MYO7B: variants seen among roughly 807,000 people sequenced by gnomAD.
MYO7B encodes the protein myosin VIIB.
A neutral mutation model predicts 259.7 loss-of-function variants in MYO7B; 212 were observed. The observed-to-expected ratio is 0.82, with a 90% CI of 0.73 to 0.91. The LOEUF (loss-of-function observed/expected upper bound fraction) is 0.91. MYO7B is among the 40% of genes least tolerant of loss of function. The pLI, the probability that MYO7B is intolerant of heterozygous loss-of-function variation, is 0.00. For missense variants in MYO7B, 2,732 were observed against 2,813.5 expected (o/e 0.97, Z 0.66); for synonymous variants, 1,197 against 1,166.4 (o/e 1.03, Z -0.54).
intron 19 of MYO7B, among the ~76,000 whole-genome samples, chr2:127,600,507 C>G (rs749721403): frequency 2.0e-5 from 3 of 152,140 alleles, no homozygotes; most frequent in Non-Finnish European, 4.4e-5. Flanking sequence ...GTCAGGAGTC[C>G]GAGACCAGCC....
rs2104874066 is a variant in MYO7B, at chr2:127,566,605, CA to C, written c.286-37del. On this transcript the variant is annotated intron_variant, in intron 4 of 47. Coordinates refer to ENST00000409816, the MANE Select transcript of MYO7B (RefSeq NM_001393586.1). ...CAAGGCCAGGGCCGAGTACCTCTGCCAGGGGCAGAGGGCACTGACCACCTGC... is the reference window on the plus strand; with the variant it reads ...CAAGGCCAGGGCCGAGTACCTCTGCCGGGGCAGAGGGCACTGACCACCTGC... The C allele has an allele frequency of 2.0e-6, 3 of 1,514,342 alleles. No individual in the cohort carries two copies. In the East Asian group the frequency reaches 7.3e-5, roughly 37 times the overall value. The allele number at this position is 1,514,342 out of a possible 1,614,324, so 93.8% of individuals were successfully genotyped here.
At chr2:127,544,154 A>G (rs1236307887) in intron 1 of MYO7B, among the ~76,000 whole-genome samples, 1 of 151,314 alleles carries the variant, frequency 6.6e-6, no homozygotes, top group African/African-American at 2.4e-5. Context: ...ATAGCTCACT[A>G]CAGCCTCGAA....
At chr2:127,594,421 CT>C (rs112997044) in intron 18 of MYO7B, among the ~76,000 whole-genome samples, 2 of 152,220 alleles carry the variant, frequency 1.3e-5, no homozygotes, top group African/African-American at 4.8e-5. Flanking sequence ...CCCACCTGCC[CT>C]TATGTGTCCT....
intron 18 of MYO7B, among the ~76,000 whole-genome samples, chr2:127,595,342 A>G (rs1451163079): frequency 1.3e-5 from 2 of 151,862 alleles, no homozygotes; most frequent in African/African-American, 2.4e-5. Flanking sequence ...TATTGTGTCT[A>G]TTGGATTCTT....
At chr2:127,635,012 G>C in intron 42 of MYO7B, 108 bp from the exon 43 acceptor site, 1 of 845,568 alleles carries the variant, frequency 1.2e-6, no homozygotes, top group East Asian at 2.6e-5. Flanking sequence ...AGAAGCGTGG[G>C]GGCTTTCGAG....
chr2:127,567,328 A>ACT (rs1678393064), intron 5 of MYO7B, among the ~76,000 whole-genome samples: 1 of 151,946 alleles, frequency 6.6e-6, no homozygotes, highest in Admixed American at 6.6e-5. Context: ...TCAAAAAAAA[A>ACT]CACAGGGCAG....
rs146019099 is a variant in MYO7B at position 127,557,891 on chromosome 2, C to A, written c.-23-1809C>A. On this transcript the variant is annotated intron_variant, in intron 1 of 47. Coordinates refer to ENST00000409816, the MANE Select transcript of MYO7B (RefSeq NM_001393586.1). ...TCTAAGACCTAAAACTATAAAAATT[C>A]TAGACTATAACATCAGAAAATCCCT... is the stretch of plus-strand genomic sequence containing the variant. Among the ~76,000 whole-genome samples the A allele has an allele frequency of 9.3e-3, 1,417 of 152,276 alleles. 8 individuals are homozygous for A. The highest frequency in any genetic ancestry group is 0.02 in the South Asian group (95 of 4,826).
At chr2:127,558,865 A>C (rs1217075615) in intron 1 of MYO7B, among the ~76,000 whole-genome samples, 1 of 152,184 alleles carries the variant, frequency 6.6e-6, no homozygotes, top group African/African-American at 2.4e-5. Flanking sequence ...TGTAAGAATG[A>C]TACAATGGAC....
At position 127,611,700 on chromosome 2, in the gene MYO7B, G is replaced by A. The variant is rs1409918275; in HGVS notation, c.3193-550G>A. Among the ~76,000 whole-genome samples the A allele has an allele frequency of 2.0e-5, 3 of 152,130 alleles. No homozygotes were observed. The highest frequency in any genetic ancestry group is 4.4e-5 in the Non-Finnish European group (3 of 68,014). On this transcript the variant is annotated intron_variant, in intron 24 of 47. Transcript: ENST00000409816. This position sits in a 1 kb window ranked among gnomAD's most constrained non-coding sequence, Gnocchi z 5.4. ...TTTGGCAGCAAATTCTTCTCATGAC[G>A]CCATCATGAGAAGGGGCGGCCTCTG...
intron 1 of MYO7B, among the ~76,000 whole-genome samples, chr2:127,553,737 G>T (rs1329008652): frequency 6.6e-6 from 1 of 152,164 alleles, no homozygotes; most frequent in African/African-American, 2.4e-5. Context: ...TACCGATTTG[G>T]ATGCCTGTTA....
At chr2:127,623,803 T>C (rs1451879664) in intron 29 of MYO7B, among the ~76,000 whole-genome samples, 1 of 151,974 alleles carries the variant, frequency 6.6e-6, no homozygotes, top group South Asian at 2.1e-4. Flanking sequence ...ACCCTCAGAC[T>C]CACACACCAG....
intron 18 of MYO7B, among the ~76,000 whole-genome samples, chr2:127,595,453 C>T (rs374202003): frequency 4.0e-5 from 6 of 151,852 alleles, no homozygotes; most frequent in Admixed American, 6.6e-5. Context: ...AAGAGTTTTT[C>T]GTATCTCTAT....
rs1408077456 is a variant in MYO7B, at chr2:127,584,630, A to G, written c.1555-148A>G. 4.1e-6 allele frequency: 4 copies of G among 972,526 alleles called. No homozygotes were observed. The highest frequency in any genetic ancestry group is 6.0e-6 in the Non-Finnish European group (4 of 667,846). The allele number at this position is 972,526 out of a possible 1,614,324, so 60.2% of individuals were successfully genotyped here. On this transcript the variant is annotated intron_variant, in intron 13 of 47. Coordinates refer to ENST00000409816, the MANE Select transcript of MYO7B (RefSeq NM_001393586.1). This position sits in a 1 kb window ranked among gnomAD's most constrained non-coding sequence, Gnocchi z 5.8. Reference sequence around the variant, plus strand: ...CCTCACTCCCTGCAACAAGTCACTGACCCCTGGGCATTAGTTTCCTGTCTG... The same window carrying G: ...CCTCACTCCCTGCAACAAGTCACTGGCCCCTGGGCATTAGTTTCCTGTCTG...
intron 29 of MYO7B, among the ~76,000 whole-genome samples, chr2:127,623,646 C>T (rs1680958140): frequency 6.6e-6 from 1 of 152,184 alleles, no homozygotes; most frequent in Non-Finnish European, 1.5e-5. Context: ...ACCCAGCAGC[C>T]ACGCACAGAC....
At chr2:127,624,067 C>A (rs774822592) in intron 29 of MYO7B, 26 bp from the exon 30 acceptor site, 1 of 1,537,888 alleles carries the variant, frequency 6.5e-7, no homozygotes, top group South Asian at 1.2e-5. Flanking sequence ...CAGCCGCTAA[C>A]CCCTGCTCCC....
At chr2:127,622,733 C>G (rs1271074709) in intron 28 of MYO7B, among the ~76,000 whole-genome samples, 1 of 152,220 alleles carries the variant, frequency 6.6e-6, no homozygotes, top group Non-Finnish European at 1.5e-5. Flanking sequence ...GGGGCTCCCT[C>G]CCACGAGCCC....
chr2:127,567,899 C>T (rs77986594), intron 5 of MYO7B, among the ~76,000 whole-genome samples: 1,988 of 152,182 alleles, frequency 0.013, 44 homozygotes, highest in African/African-American at 0.045. Flanking sequence ...AGGGTGATGT[C>T]GGCCTCTTCA....
rs117561134 is a variant in MYO7B, at chr2:127,566,783, C to T, written c.426C>T (p.Tyr142=). Residue 142 remains tyrosine, a synonymous_variant, in exon 5 of 48, where the codon TAC becomes TAT. Coordinates refer to ENST00000409816, the MANE Select transcript of MYO7B (RefSeq NM_001393586.1). ...TCTTTGCCATCGCCAACAACTGCTA[C>T]TTCAGCATGAAGAGGAACAAGAGGG... ...PHVFAIANNC[Y]FSMKRNKRDQ... is the part of the protein sequence containing the mutation. 4.2e-3 allele frequency: 6,703 copies of T among 1,612,400 alleles called. 407 individuals carry two copies. In the East Asian group the frequency reaches 0.12, roughly 30 times the overall value.
chr2:127,564,364 G>A (rs923079221), intron 3 of MYO7B, 98 bp downstream of exon 3: 2 of 951,980 alleles, frequency 2.1e-6, no homozygotes, highest in Non-Finnish European at 3.1e-6. Flanking sequence ...AACACCAGGG[G>A]CTCCAAGGCC....
Sources: gnomAD v4.1 joint callset for allele counts (sites outside exome capture counted in the v4.1 genomes callset) on GRCh38, gnomAD v4.1.1 for gene constraint, Gnocchi (gnomAD v3.1) non-coding constraint, MANE v1.5 for transcripts, NCBI Gene and HGNC (gene_info 2026-07-23, HGNC 2026-07-21) for gene names.